Variants in TMPRSS11F observed in about 807,000 individuals in gnomAD.
The protein encoded by TMPRSS11F is transmembrane serine protease 11F, also known as transmembrane protease serine 11F.
A neutral mutation model predicts 60.2 loss-of-function variants in TMPRSS11F; 47 were observed. The observed-to-expected ratio is 0.78, with a 90% CI of 0.62 to 1.00. TMPRSS11F has a LOEUF of 1.00. TMPRSS11F is among the 50% of genes least tolerant of loss of function. The pLI, the probability that TMPRSS11F is intolerant of heterozygous loss-of-function variation, is 0.00. For missense variants in TMPRSS11F, 519 were observed against 522.9 expected, an observed-to-expected ratio of 0.99 and a Z score of 0.07; for synonymous variants, 166 against 167.3, an observed-to-expected ratio of 0.99 and a Z score of 0.06.
At chr4:68,125,034 ATTGGTCATTCCATATATT>A (rs1277622364) in intron 1 of TMPRSS11F, among the ~76,000 whole-genome samples, 17 of 140,432 alleles carry the variant, frequency 1.2e-4, no homozygotes, top group African/African-American at 3.7e-4. Context: ...GGAATGCTGC[ATTGGTCATTCCATATATT>A]ATATTCTACA....
intron 8 of TMPRSS11F, chr4:68,062,890 G>T (rs757595107): frequency 2.5e-6 from 2 of 801,662 alleles, no homozygotes; most frequent in Non-Finnish European, 2.2e-6. Context: ...TTAAGTGGCT[G>T]CCTTTTATCA....
At chr4:68,129,179 T>C (rs1724770320) in intron 1 of TMPRSS11F, among the ~76,000 whole-genome samples, 1 of 152,136 alleles carries the variant, frequency 6.6e-6, no homozygotes, top group South Asian at 2.1e-4. Flanking sequence ...GAATATTACC[T>C]AAACATAAAT....
At chr4:68,110,126 T>G (rs1256216891) in intron 1 of TMPRSS11F, among the ~76,000 whole-genome samples, 1 of 152,178 alleles carries the variant, frequency 6.6e-6, no homozygotes, top group Non-Finnish European at 1.5e-5. Context: ...CTCTACTTCT[T>G]GCCAAAAAGC....
At chr4:68,117,971 C>G (rs1409048746) in intron 1 of TMPRSS11F, among the ~76,000 whole-genome samples, 2 of 152,112 alleles carry the variant, frequency 1.3e-5, no homozygotes, top group East Asian at 1.9e-4. Flanking sequence ...GAGATAACTC[C>G]TTATTGTTTT....
At chr4:68,098,041 A>C (rs141390188) in intron 2 of TMPRSS11F, among the ~76,000 whole-genome samples, 23 of 152,270 alleles carry the variant, frequency 1.5e-4, no homozygotes, top group African/African-American at 5.5e-4. Context: ...ATGGTGGCTG[A>C]TGTCTATAAT....
intron 3 of TMPRSS11F, among the ~76,000 whole-genome samples, chr4:68,081,357 G>A (rs1723693479): frequency 6.6e-6 from 1 of 152,200 alleles, no homozygotes; most frequent in Non-Finnish European, 1.5e-5. Flanking sequence ...CAGTTCCAAA[G>A]TGAAGTCAAT....
Position 68,099,076 on chromosome 4 carries a change from C to A in TMPRSS11F, c.12-38G>T, listed in dbSNP as rs550257497. The A allele has an allele frequency of 2.3e-5, 36 of 1,547,734 alleles. 1 individual carries two copies. The African/African-American group carries it at 2.5e-4, about 11-fold the overall frequency. ...AAAGAAAATAGAGACAATAAAAATT[C>A]ATTATAGTTCAACTTTATGTTTACT... On this transcript the variant is annotated intron_variant, in intron 1 of 9. Transcript: ENST00000356291.
intron 1 of TMPRSS11F, among the ~76,000 whole-genome samples, chr4:68,115,134 G>A (rs973880528): frequency 1.3e-5 from 2 of 151,506 alleles, no homozygotes; most frequent in Non-Finnish European, 2.9e-5. Context: ...CAGATCATGA[G>A]GTCAGGAGAT....
chr4:68,078,726 G>A (rs915948621), intron 3 of TMPRSS11F, among the ~76,000 whole-genome samples: 36 of 152,138 alleles, frequency 2.4e-4, no homozygotes, highest in Non-Finnish European at 5.9e-5. Flanking sequence ...CAGAAAGGTG[G>A]GACCCAGGAG....
chr4:68,107,294 T>C (rs1724322435), intron 1 of TMPRSS11F, among the ~76,000 whole-genome samples: 1 of 152,204 alleles, frequency 6.6e-6, no homozygotes, highest in Admixed American at 6.5e-5. Context: ...TGCCTTTATG[T>C]GTCCCAATGG....
At chr4:68,075,227 A>G (rs1284487146) in intron 3 of TMPRSS11F, among the ~76,000 whole-genome samples, 1 of 152,098 alleles carries the variant, frequency 6.6e-6, no homozygotes, top group Non-Finnish European at 1.5e-5. Flanking sequence ...TCCTTGATTC[A>G]ATCTCATTGC....
chr4:68,072,230 A>ATAT lies in TMPRSS11F; in HGVS notation c.514+92_514+93insATA, dbSNP rs1553885920. The ATAT allele has an allele frequency of 1.5e-3, 141 of 92,790 alleles. 4 individuals are homozygous for ATAT. The highest frequency in any genetic ancestry group is 0.01 in the Admixed American group (88 of 8,624). 5.7% of individuals were successfully genotyped at this position (92,790 alleles called of 1,614,324 possible). ...ATATATATATATCTTCCAAAAAAAA[A>ATAT]ATATATATATATATATATATTGCTT... On this transcript the variant is annotated intron_variant, in intron 5 of 9. Coordinates refer to ENST00000356291, the MANE Select transcript of TMPRSS11F (RefSeq NM_207407.2).
intron 3 of TMPRSS11F, among the ~76,000 whole-genome samples, chr4:68,085,970 T>C (rs1022066488): frequency 2.6e-5 from 4 of 152,102 alleles, no homozygotes; most frequent in Non-Finnish European, 4.4e-5. Context: ...ACACAGATCA[T>C]TGAGGCACAA....
intron 2 of TMPRSS11F, 116 bp from the exon 3 acceptor site, chr4:68,090,757 T>C: frequency 1.4e-6 from 2 of 1,447,528 alleles, no homozygotes; most frequent in Non-Finnish European, 1.8e-6. Flanking sequence ...TTCTACTTAG[T>C]GTAAAAATTC....
chr4:68,074,893 TC>T (rs753009454), intron 3 of TMPRSS11F, among the ~76,000 whole-genome samples: 12 of 152,084 alleles, frequency 7.9e-5, no homozygotes, highest in Non-Finnish European at 1.2e-4. Context: ...GCCCAGGAGT[TC>T]CAGATGAGCC....
intron 3 of TMPRSS11F, among the ~76,000 whole-genome samples, chr4:68,086,456 C>T (rs1723815212): frequency 6.6e-6 from 1 of 152,000 alleles, no homozygotes; most frequent in Non-Finnish European, 1.5e-5. Flanking sequence ...TAACAATGCA[C>T]ATAGAGAAAC....
intron 2 of TMPRSS11F, 27 bp downstream of exon 2, chr4:68,098,860 C>T (rs1423013280): frequency 1.9e-6 from 3 of 1,589,220 alleles, no homozygotes; most frequent in East Asian, 4.5e-5. Context: ...AGTACTTAGG[C>T]AATGGAACTG....
chr4:68,101,944 C>G (rs1052738973), intron 1 of TMPRSS11F, among the ~76,000 whole-genome samples: 4 of 152,122 alleles, frequency 2.6e-5, no homozygotes, highest in Non-Finnish European at 5.9e-5. Flanking sequence ...GACTTTCCAT[C>G]CTACATATCT....
intron 1 of TMPRSS11F, among the ~76,000 whole-genome samples, chr4:68,108,510 C>T (rs1039900592): frequency 2.6e-5 from 4 of 152,094 alleles, no homozygotes; most frequent in Admixed American, 6.5e-5. Flanking sequence ...CAGCAAAATC[C>T]TGAAGATCCT....
Sources: gnomAD v4.1 joint callset for allele counts (sites outside exome capture counted in the v4.1 genomes callset) on GRCh38, gnomAD v4.1.1 for gene constraint, MANE v1.5 for transcripts, NCBI Gene and HGNC (gene_info 2026-07-23, HGNC 2026-07-21) for gene names.